GRAMD2A: variants seen among roughly 807,000 people sequenced by gnomAD.
GRAMD2A encodes the protein GRAM domain-containing protein 2A.
Under a neutral mutation model 51.1 loss-of-function variants are expected in GRAMD2A, and 37 were observed. That is an observed-to-expected ratio of 0.72 (90% CI 0.56 to 0.95). The LOEUF (loss-of-function observed/expected upper bound fraction) is 0.95, where lower values mean the gene tolerates loss of function less well. Among genes scored for constraint, GRAMD2A ranks in the 40% least tolerant of loss-of-function variants. The pLI is 0.00. For synonymous variants in GRAMD2A, 136 were observed against 157.1 expected (o/e 0.87, Z 1.01); for missense variants, 414 against 426.9 (o/e 0.97, Z 0.27).
chr15:72,190,310 C>T (rs112282347), intron 1 of GRAMD2A, among the ~76,000 whole-genome samples: 81 of 152,110 alleles, frequency 5.3e-4, no homozygotes, highest in Non-Finnish European at 7.4e-4. Context: ...ACCTGGGAGG[C>T]GGAGCTTGCA....
intron 1 of GRAMD2A, among the ~76,000 whole-genome samples, chr15:72,191,623 G>A (rs1467001122): frequency 6.6e-6 from 1 of 152,144 alleles, no homozygotes; most frequent in Non-Finnish European, 1.5e-5. Context: ...AATCATCAAT[G>A]GCTGCTAACA....
At chr15:72,172,236 A>C (rs145522401) in intron 1 of GRAMD2A, among the ~76,000 whole-genome samples, 40 of 151,600 alleles carry the variant, frequency 2.6e-4, no homozygotes, top group African/African-American at 9.4e-4. Context: ...CTCCCACCTC[A>C]GCTTCCCAAG....
chr15:72,177,169 C>A, intron 1 of GRAMD2A, among the ~76,000 whole-genome samples: 1 of 141,600 alleles, frequency 7.1e-6, no homozygotes. Context: ...GCCTGCAGTC[C>A]TTTAAAAAAA....
At chr15:72,180,381 A>G (rs987166969) in intron 1 of GRAMD2A, among the ~76,000 whole-genome samples, 1 of 152,236 alleles carries the variant, frequency 6.6e-6, no homozygotes, top group African/African-American at 2.4e-5. Context: ...AAAGCTGGTC[A>G]TTCAGGTCTA....
chr15:72,165,555 G>C (rs978468094), intron 7 of GRAMD2A, 145 bp from the exon 8 acceptor site: 2 of 732,570 alleles, frequency 2.7e-6, no homozygotes, highest in East Asian at 5.4e-5. Flanking sequence ...GGGTCTATAG[G>C]GGGCCCCCTA....
At chr15:72,169,735 C>G (rs2081589081) in intron 2 of GRAMD2A, 112 bp downstream of exon 2, 1 of 821,818 alleles carries the variant, frequency 1.2e-6, no homozygotes, top group Non-Finnish European at 2.1e-6. Context: ...ACCTCACAGA[C>G]CTGCAAAGGG....
rs1304826100 is a variant in GRAMD2A, at chr15:72,166,303, GT to G, written c.543+328del. On this transcript the variant is annotated intron_variant, in intron 7 of 11. Transcript: ENST00000309731. This position sits in a 1 kb window ranked among gnomAD's most constrained non-coding sequence, Gnocchi z 4.1. ...AAGGGAGGTGAGGCTAAGCTACGATGTTCTGTAGGTGATGTGTACCTCTATT... is the reference window on the plus strand; with the variant it reads ...AAGGGAGGTGAGGCTAAGCTACGATGTCTGTAGGTGATGTGTACCTCTATT... Among the ~76,000 whole-genome samples the G allele has an allele frequency of 1.3e-5, 2 of 152,232 alleles. No homozygotes were observed. Among genetic ancestry groups the G allele is most frequent in the East Asian group, 3.8e-4 (2 of 5,200 alleles).
At chr15:72,195,567 G>A (rs2081799016) in intron 1 of GRAMD2A, among the ~76,000 whole-genome samples, 1 of 152,162 alleles carries the variant, frequency 6.6e-6, no homozygotes, top group African/African-American at 2.4e-5. Flanking sequence ...CACCCTAGGT[G>A]GATGAATTAG....
Position 72,162,013 on chromosome 15 carries a change from C to G in GRAMD2A, c.1062-1G>C, listed in dbSNP as rs748354667. The G allele has an allele frequency of 6.2e-7, 1 of 1,613,994 alleles. No homozygotes were observed. The highest frequency in any genetic ancestry group is 1.3e-5 in the African/African-American group (1 of 74,930). ...GGGACAAAGGCCAAGTGGCTGTTAC[C>G]TGCACACAGGAAAGATGTCCACATC... On this transcript the variant is annotated splice_acceptor_variant, in intron 11 of 11. Coordinates refer to ENST00000309731, the MANE Select transcript of GRAMD2A (RefSeq NM_001012642.3). LOFTEE classifies it high-confidence loss of function.
At chr15:72,180,982 A>T (rs1008848984) in intron 1 of GRAMD2A, among the ~76,000 whole-genome samples, 1 of 152,224 alleles carries the variant, frequency 6.6e-6, no homozygotes, top group Non-Finnish European at 1.5e-5. Flanking sequence ...AGGGCAAGGA[A>T]GACTTTTCTG....
chr15:72,170,296 C>T lies in GRAMD2A; in HGVS notation c.42-357G>A, dbSNP rs1343911562. ...GAGGAGGCACACTGAGAGGGAGGAC[C>T]CTGAGACTCGCTTATGCCGAGAACA... On this transcript the variant is annotated intron_variant, in intron 1 of 11. Transcript: ENST00000309731. This position sits in a 1 kb window ranked among gnomAD's most constrained non-coding sequence, Gnocchi z 4.5. The T allele has an allele frequency of 4.1e-6, 2 of 488,920 alleles. No homozygotes were observed. Among genetic ancestry groups the T allele is most frequent in the African/African-American group, 1.9e-5 (1 of 51,566 alleles). 30.3% of individuals were successfully genotyped at this position (488,920 alleles called of 1,614,324 possible).
chr15:72,162,136 C>T, intron 11 of GRAMD2A, 124 bp from the exon 12 acceptor site: 2 of 1,365,228 alleles, frequency 1.5e-6, no homozygotes, highest in Admixed American at 1.7e-5. Flanking sequence ...GTGTACCCTG[C>T]ACGCTGCCCA....
intron 1 of GRAMD2A, among the ~76,000 whole-genome samples, chr15:72,184,774 C>G (rs1289215429): frequency 6.6e-6 from 1 of 152,230 alleles, no homozygotes; most frequent in Non-Finnish European, 1.5e-5. Context: ...CAACCTTGTC[C>G]TGGAGGTTCC....
chr15:72,167,206 C>T, intron 5 of GRAMD2A, 114 bp from the exon 6 acceptor site: 2 of 776,950 alleles, frequency 2.6e-6, no homozygotes, highest in Non-Finnish European at 2.3e-6. Context: ...GGAAGCCTGG[C>T]CCCATGTGGG....
chr15:72,193,340 C>G (rs1394236694), intron 1 of GRAMD2A, among the ~76,000 whole-genome samples: 5 of 150,902 alleles, frequency 3.3e-5, no homozygotes, highest in South Asian at 2.1e-4. Flanking sequence ...CCTCAGCCTC[C>G]CTAGTAGCTG....
At chr15:72,178,450 C>T (rs2140554057) in intron 1 of GRAMD2A, among the ~76,000 whole-genome samples, 1 of 152,008 alleles carries the variant, frequency 6.6e-6, no homozygotes, top group East Asian at 1.9e-4. Flanking sequence ...TTCCTGATGG[C>T]AAACTAGGAT....
At chr15:72,180,632 G>T (rs914996380) in intron 1 of GRAMD2A, among the ~76,000 whole-genome samples, 4 of 152,238 alleles carry the variant, frequency 2.6e-5, no homozygotes, top group Non-Finnish European at 4.4e-5. Flanking sequence ...CTCTGGCTTT[G>T]TGGATCCATC....
At chr15:72,190,241 T>C (rs1285423109) in intron 1 of GRAMD2A, among the ~76,000 whole-genome samples, 1 of 151,938 alleles carries the variant, frequency 6.6e-6, no homozygotes, top group East Asian at 1.9e-4. Context: ...TAGCCGGGCG[T>C]GGTGGCAGGC....
intron 2 of GRAMD2A, 74 bp downstream of exon 2, chr15:72,169,773 A>G (rs952384664): frequency 5.6e-6 from 7 of 1,249,916 alleles, no homozygotes; most frequent in Non-Finnish European, 7.1e-6. Flanking sequence ...AGGTCCTCTT[A>G]CAAACAGGTC....
Sources: allele counts gnomAD v4.1 joint callset (sites outside exome capture counted in the v4.1 genomes callset), GRCh38; gene constraint gnomAD v4.1.1; non-coding constraint Gnocchi (gnomAD v3.1); transcripts MANE v1.5; gene names NCBI Gene and HGNC (gene_info 2026-07-23, HGNC 2026-07-21).